The following NBEA variants were observed in gnomAD, a reference collection of about 807,000 sequenced individuals.
NBEA encodes neurobeachin.
In NBEA, 44 loss-of-function variants were observed where a neutral mutation model predicts 343.4. That is an observed-to-expected ratio of 0.13 (90% CI 0.10 to 0.16). NBEA has a LOEUF of 0.16. Ranked by LOEUF, NBEA falls within the 10% of genes least tolerant of loss-of-function variation. The pLI, the probability that NBEA is intolerant of heterozygous loss-of-function variation, is 1.00. For synonymous variants in NBEA, 1,175 were observed against 1,238.7 expected, an observed-to-expected ratio of 0.95 and a Z score of 1.08; for missense variants, 2,555 against 3,631.3, an observed-to-expected ratio of 0.70 and a Z score of 7.62.
At chr13:34,991,721 A>G (rs1051008589) in intron 1 of NBEA, among the ~76,000 whole-genome samples, 1 of 152,162 alleles carries the variant, frequency 6.6e-6, no homozygotes, top group East Asian at 1.9e-4. Flanking sequence ...ATATTATTCT[A>G]TGTTTACCAA....
At chr13:35,446,382 G>A (rs1156763878) in intron 39 of NBEA, among the ~76,000 whole-genome samples, 2 of 152,278 alleles carry the variant, frequency 1.3e-5, no homozygotes, top group East Asian at 3.9e-4. Context: ...GATCCCTGAG[G>A]AATTGCCTCA....
intron 17 of NBEA, among the ~76,000 whole-genome samples, chr13:35,127,530 G>A (rs187540290): frequency 3.9e-5 from 6 of 152,126 alleles, no homozygotes; most frequent in Admixed American, 2.6e-4. Flanking sequence ...AATTGGGAGG[G>A]GACTGAGAAA....
At chr13:35,537,499 G>A (rs1431362792) in intron 41 of NBEA, among the ~76,000 whole-genome samples, 1 of 152,094 alleles carries the variant, frequency 6.6e-6, no homozygotes, top group East Asian at 1.9e-4. Flanking sequence ...TAGTCTAGTG[G>A]AGGAGATTAC....
At chr13:35,510,003 G>A (rs1312942034) in intron 41 of NBEA, among the ~76,000 whole-genome samples, 1 of 152,180 alleles carries the variant, frequency 6.6e-6, no homozygotes, top group Admixed American at 6.5e-5. Context: ...GATTTTGAAT[G>A]TCAATAGATC....
rs1488790276 is a variant in NBEA at position 35,570,348 on chromosome 13, TA to T, written c.7035+3332del. Among the ~76,000 whole-genome samples, 4 of 152,246 alleles carry T rather than the reference TA, an allele frequency of 2.6e-5. No individual in the cohort carries two copies. In the East Asian group the frequency reaches 7.7e-4, roughly 29 times the overall value. On this transcript the variant is annotated intron_variant, in intron 45 of 58. Coordinates refer to ENST00000379939, the MANE Select transcript of NBEA (RefSeq NM_001385012.1). ...CACGCCCAGCCCATTTCAGGGTTTT[TA>T]TGCTAATCTGTGTAATGTGTATTTC... is the stretch of plus-strand genomic sequence containing the variant.
At chr13:35,613,668 T>G (rs1221274067) in intron 48 of NBEA, among the ~76,000 whole-genome samples, 1 of 152,140 alleles carries the variant, frequency 6.6e-6, no homozygotes, top group African/African-American at 2.4e-5. Context: ...TTGCCCAGAC[T>G]GAAGTGCAGT....
chr13:35,248,451 T>G (rs951272060), intron 34 of NBEA, among the ~76,000 whole-genome samples: 8 of 152,064 alleles, frequency 5.3e-5, no homozygotes, highest in African/African-American at 1.9e-4. Flanking sequence ...CAATACAATC[T>G]TAAGAAAGAA....
intron 41 of NBEA, among the ~76,000 whole-genome samples, chr13:35,515,708 T>C (rs2077458244): frequency 6.6e-6 from 1 of 151,924 alleles, no homozygotes; most frequent in Admixed American, 6.6e-5. Flanking sequence ...CAGTTTTTAC[T>C]CTCCATTTTC....
intron 34 of NBEA, among the ~76,000 whole-genome samples, chr13:35,254,692 T>G (rs1265775051): frequency 1.3e-5 from 2 of 152,118 alleles, no homozygotes; most frequent in African/African-American, 4.8e-5. Context: ...AAAAATTTTT[T>G]TTCAAGATAA....
intron 41 of NBEA, among the ~76,000 whole-genome samples, chr13:35,541,752 G>A (rs1444465322): frequency 6.6e-6 from 1 of 151,896 alleles, no homozygotes; most frequent in African/African-American, 2.4e-5. Context: ...GTGTGTGTGT[G>A]TGTGTGTGTA....
intron 41 of NBEA, among the ~76,000 whole-genome samples, chr13:35,533,929 A>G (rs1202599687): frequency 1.3e-5 from 2 of 152,168 alleles, no homozygotes; most frequent in Admixed American, 6.5e-5. Context: ...AGAAAATAAT[A>G]TTAGGTTTAT....
intron 41 of NBEA, among the ~76,000 whole-genome samples, chr13:35,525,819 C>T (rs908742637): frequency 6.6e-6 from 1 of 152,142 alleles, no homozygotes; most frequent in Non-Finnish European, 1.5e-5. Flanking sequence ...CTGCCTTATA[C>T]ATGGTGCCTT....
At chr13:35,389,668 A>T (rs571589643) in intron 38 of NBEA, among the ~76,000 whole-genome samples, 104 of 152,220 alleles carry the variant, frequency 6.8e-4, no homozygotes, top group African/African-American at 2.5e-3. Context: ...TTCCTATTTT[A>T]AATGGTTCCT....
intron 17 of NBEA, 72 bp downstream of exon 17, chr13:35,123,646 A>G: frequency 1.1e-6 from 1 of 915,010 alleles, no homozygotes; most frequent in African/African-American, 1.7e-5. Context: ...TTTTCTATGT[A>G]ATGTAGCATG....
At chr13:35,246,087 T>G (rs1188634979) in intron 34 of NBEA, among the ~76,000 whole-genome samples, 3 of 152,226 alleles carry the variant, frequency 2.0e-5, no homozygotes, top group Non-Finnish European at 4.4e-5. Context: ...GCTAAGAGTT[T>G]CCAGTACATT....
intron 41 of NBEA, among the ~76,000 whole-genome samples, chr13:35,541,406 G>A (rs1422086022): frequency 1.3e-5 from 2 of 151,910 alleles, no homozygotes; most frequent in African/African-American, 4.8e-5. Flanking sequence ...TAAAGGAACG[G>A]AAGAAAAATA....
At chr13:35,653,222 T>C (rs879273447) in intron 53 of NBEA, among the ~76,000 whole-genome samples, 2 of 152,172 alleles carry the variant, frequency 1.3e-5, no homozygotes, top group Non-Finnish European at 2.9e-5. Context: ...ATGTTTGTTC[T>C]ATCTGTATCA....
intron 25 of NBEA, among the ~76,000 whole-genome samples, chr13:35,169,638 G>A (rs1206774878): frequency 2.0e-5 from 3 of 151,588 alleles, no homozygotes; most frequent in Non-Finnish European, 4.4e-5. Context: ...AAGAATTTGT[G>A]AACACAGATC....
intron 10 of NBEA, among the ~76,000 whole-genome samples, chr13:35,084,924 A>G (rs1320572989): frequency 6.6e-6 from 1 of 152,192 alleles, no homozygotes; most frequent in Non-Finnish European, 1.5e-5. Context: ...CCACAGAAAT[A>G]CAATCTACCA....
Sources: gnomAD v4.1 joint callset for allele counts (sites outside exome capture counted in the v4.1 genomes callset) on GRCh38, gnomAD v4.1.1 for gene constraint, MANE v1.5 for transcripts, NCBI Gene and HGNC (gene_info 2026-07-23, HGNC 2026-07-21) for gene names.